Variants in LOC400499 observed in about 807,000 individuals in gnomAD.
chr16:11,409,283 A>T, the LOC400499 span, among the ~76,000 whole-genome samples: 1,271 of 152,170 alleles, frequency 8.4e-3, 16 homozygotes, highest in African/African-American at 0.026. Context: ...AATAAATAAA[A>T]AAATAAAAAA....
At chr16:11,519,707 CT>C in the LOC400499 span, among the ~76,000 whole-genome samples, 201 of 141,706 alleles carry the variant, frequency 1.4e-3, no homozygotes, top group Admixed American at 1.5e-3. Flanking sequence ...TGTGACTCCA[CT>C]TTTTTTTTTT....
chr16:11,484,348 G>C, the LOC400499 span, among the ~76,000 whole-genome samples: 1 of 152,160 alleles, frequency 6.6e-6, no homozygotes, highest in East Asian at 1.9e-4. Context: ...ACTTTTGGGA[G>C]TGATGGGTAT....
the LOC400499 span, among the ~76,000 whole-genome samples, chr16:11,436,995 T>C: frequency 1.1e-4 from 16 of 152,178 alleles, no homozygotes; most frequent in Non-Finnish European, 2.4e-4. Flanking sequence ...TAATATAAAA[T>C]GAGCTATTAA....
the LOC400499 span, among the ~76,000 whole-genome samples, chr16:11,510,684 G>A: frequency 6.6e-6 from 1 of 151,616 alleles, no homozygotes; most frequent in Non-Finnish European, 1.5e-5. Context: ...CCCCGGCAGT[G>A]CTCAGCACAC....
chr16:11,406,335 G>C, the LOC400499 span, among the ~76,000 whole-genome samples: 1 of 152,350 alleles, frequency 6.6e-6, no homozygotes, highest in Admixed American at 6.5e-5. Flanking sequence ...GCAAAGGACA[G>C]AATTTCATTC....
At chr16:11,467,711 T>A in the LOC400499 span, among the ~76,000 whole-genome samples, 12 of 152,340 alleles carry the variant, frequency 7.9e-5, no homozygotes, top group African/African-American at 2.9e-4. Context: ...TGTTACATCA[T>A]CATATCACTC....
At chr16:11,488,346 A>C in the LOC400499 span, among the ~76,000 whole-genome samples, 1 of 150,804 alleles carries the variant, frequency 6.6e-6, no homozygotes, top group East Asian at 2.1e-4. Flanking sequence ...TTCCAAAAAA[A>C]GCAGCAGGTG....
chr16:11,430,518 T>A, the LOC400499 span, among the ~76,000 whole-genome samples: 2 of 151,914 alleles, frequency 1.3e-5, no homozygotes, highest in Non-Finnish European at 2.9e-5. Flanking sequence ...AAAAGAATTA[T>A]CATGTCTGCA....
chr16:11,446,928 A>G, the LOC400499 span: 1 of 1,528,560 alleles, frequency 6.5e-7, no homozygotes, highest in South Asian at 1.2e-5. Context: ...GCAGAGGGAA[A>G]AACAGGCCAA....
chr16:11,459,253 G>C, the LOC400499 span, among the ~76,000 whole-genome samples: 1 of 135,566 alleles, frequency 7.4e-6, no homozygotes, highest in African/African-American at 2.9e-5. Context: ...CCAGACTGCA[G>C]TGGTGCGATC....
chr16:11,519,596 A>T, the LOC400499 span, among the ~76,000 whole-genome samples: 3 of 151,938 alleles, frequency 2.0e-5, no homozygotes, highest in Non-Finnish European at 4.4e-5. Flanking sequence ...ATAAACAATA[A>T]TTTTTTTAAA....
the LOC400499 span, among the ~76,000 whole-genome samples, chr16:11,526,416 T>A: frequency 6.6e-6 from 1 of 152,202 alleles, no homozygotes; most frequent in Non-Finnish European, 1.5e-5. Flanking sequence ...AAGAAAACTT[T>A]CAAATATGTT....
the LOC400499 span, among the ~76,000 whole-genome samples, chr16:11,418,511 G>A: frequency 4.6e-5 from 7 of 152,146 alleles, no homozygotes; most frequent in African/African-American, 1.2e-4. Flanking sequence ...TCATGGCAAT[G>A]TCAGGAAGTT....
At chr16:11,394,760 G>A in the LOC400499 span, among the ~76,000 whole-genome samples, 1 of 152,228 alleles carries the variant, frequency 6.6e-6, no homozygotes, top group South Asian at 2.1e-4. Context: ...AGACTGGTGT[G>A]ATGCCACCAC....
chr16:11,443,188 G>A, the LOC400499 span, among the ~76,000 whole-genome samples: 783 of 151,836 alleles, frequency 5.2e-3, 11 homozygotes, highest in African/African-American at 0.018. Flanking sequence ...GCCGGGTGTG[G>A]TCATGGGAGC....
chr16:11,496,615 G>T, the LOC400499 span, among the ~76,000 whole-genome samples: 1 of 152,192 alleles, frequency 6.6e-6, no homozygotes, highest in Non-Finnish European at 1.5e-5. Context: ...GTGTCCCCAT[G>T]TGGGCATCTC....
At chr16:11,488,689 G>T in the LOC400499 span, 7 of 398,874 alleles carry the variant, frequency 1.8e-5, no homozygotes, top group African/African-American at 8.2e-5. Flanking sequence ...CAGGACAGGG[G>T]CTGCCCAGGA....
chr16:11,434,677 G>A, the LOC400499 span, among the ~76,000 whole-genome samples: 33 of 152,212 alleles, frequency 2.2e-4, no homozygotes, highest in African/African-American at 7.7e-4. Context: ...ATGGTAGCCA[G>A]CTACTGAGCA....
chr16:11,414,369 C>G, the LOC400499 span: 1 of 399,490 alleles, frequency 2.5e-6, no homozygotes, highest in South Asian at 1.3e-4. Context: ...GGCCCAGCCT[C>G]TGGAGAGCAG....
Sources: gnomAD v4.1 joint callset for allele counts (sites outside exome capture counted in the v4.1 genomes callset) on GRCh38, gnomAD v4.1.1 for gene constraint, MANE v1.5 for transcripts.